Variants in CELSR1 observed in about 807,000 individuals in gnomAD.
The protein encoded by CELSR1 is adhesion G protein-coupled receptor C1.
Under a neutral mutation model 249.1 loss-of-function variants are expected in CELSR1, and 110 were observed. The ratio of observed to expected loss-of-function variants is 0.44; its 90% CI spans 0.38 to 0.52. The LOEUF (loss-of-function observed/expected upper bound fraction) is 0.52. CELSR1 is among the 20% of genes least tolerant of loss of function. The pLI is 0.00. For missense variants in CELSR1, 4,109 were observed against 4,296.4 expected (o/e 0.96, Z 1.22); for synonymous variants, 2,113 against 1,900.0 (o/e 1.11, Z -2.92).
At chr22:46,525,127 A>G (rs1484146377) in intron 1 of CELSR1, among the ~76,000 whole-genome samples, 1 of 152,234 alleles carries the variant, frequency 6.6e-6, no homozygotes, top group Non-Finnish European at 1.5e-5. Flanking sequence ...AAAACAAGCA[A>G]GAGGAAGGCT....
chr22:46,485,956 G>C (rs1388897612), intron 1 of CELSR1, among the ~76,000 whole-genome samples: 1 of 60,602 alleles, frequency 1.7e-5, no homozygotes, highest in African/African-American at 9.2e-5. Context: ...TTTTTTTTTT[G>C]AGACTGAGTC....
chr22:46,536,315 C>G lies in CELSR1; in HGVS notation c.856G>C (p.Gly286Arg). ...CCCCGGGAGCGCTCGTCGAACAGCC[C>G]CTCCATGTAATAGCTCACGCGCTCC... ...EEERVSYYME[G>R]LFDERSRGYF... is the part of the protein sequence containing the mutation. The change falls in exon 1 of 35, where the codon GGG becomes CGG. Residue 286 changes from glycine (G) to arginine (R), a missense_variant. Physicochemically the swap from Gly to Arg is moderately radical, Grantham distance 125 (BLOSUM62 -2). This residue lies in a region of CELSR1 where 673 missense variants were observed against 636.8 expected (regional missense o/e 1.06). Coordinates refer to ENST00000674500, the MANE Select transcript of CELSR1 (RefSeq NM_001378328.1). 6.2e-7 allele frequency: 1 copy of G among 1,612,810 alleles called. No homozygotes were observed. The highest frequency in any genetic ancestry group is 1.3e-5 in the African/African-American group (1 of 75,072).
At chr22:46,385,345 TCTCAGCC>T (rs1300396216) in intron 19 of CELSR1, among the ~76,000 whole-genome samples, 1 of 151,984 alleles carries the variant, frequency 6.6e-6, no homozygotes, top group Non-Finnish European at 1.5e-5. Flanking sequence ...AATCTGCCCA[TCTCAGCC>T]TCCCAGTGCT....
At position 46,377,243 on chromosome 22, in the gene CELSR1, G is replaced by A. The variant is rs750452174; in HGVS notation, c.7402C>T (p.Leu2468=). ...SRRENGEVLP[L]KIVTYAAVSL... ...ACAGCGGCATAGGTGACAATCTTCAGAGGCAGGACCTCCCCGTTCTATGGG... is the reference window on the plus strand; with the variant it reads ...ACAGCGGCATAGGTGACAATCTTCAAAGGCAGGACCTCCCCGTTCTATGGG... Residue 2468 remains leucine, a synonymous_variant, in exon 24 of 35, where the codon CTG becomes TTG. Transcript: ENST00000674500. 2 of 1,614,014 alleles carry A rather than the reference G, an allele frequency of 1.2e-6. No homozygotes were observed. The highest frequency in any genetic ancestry group is 1.7e-6 in the Non-Finnish European group (2 of 1,180,028).
At chr22:46,530,131 G>T (rs1055551790) in intron 1 of CELSR1, among the ~76,000 whole-genome samples, 1 of 151,662 alleles carries the variant, frequency 6.6e-6, no homozygotes, top group East Asian at 1.9e-4. Flanking sequence ...ATAACATAGT[G>T]AGACCTTGTC....
In CELSR1 at chr22:46,534,834, G is replaced by A. The variant is rs751562147; in HGVS notation, c.2337C>T (p.Val779=). 6.2e-7 allele frequency: 1 copy of A among 1,612,944 alleles called. No individual in the cohort carries two copies. Among genetic ancestry groups the A allele is most frequent in the African/African-American group, 1.3e-5 (1 of 74,936 alleles). The change falls in exon 1 of 35, where the codon GTC becomes GTT. Residue 779 remains valine, a synonymous_variant. Coordinates refer to ENST00000674500, the MANE Select transcript of CELSR1 (RefSeq NM_001378328.1). The surrounding 1 kb of genome is among the most constrained non-coding windows in gnomAD (Gnocchi z 9.7). ...RSHTAHVLIN[V]TDANTHRPVF... is the part of the protein sequence containing the mutation. ...CAGGCCTGTGGGTGTTGGCATCAGT[G>A]ACGTTGATTAGGACATGCGCAGTGT...
At chr22:46,366,815 G>A (rs569612309) in intron 29 of CELSR1, among the ~76,000 whole-genome samples, 178 bp downstream of exon 29, 6 of 152,140 alleles carry the variant, frequency 3.9e-5, no homozygotes, top group African/African-American at 1.2e-4. Flanking sequence ...CCATCTGGCC[G>A]ATTCTGTCAC....
At position 46,527,412 on chromosome 22, in the gene CELSR1, C is replaced by T. The variant is rs2080749000; in HGVS notation, c.3544+6215G>A. On this transcript the variant is annotated intron_variant, in intron 1 of 34. Coordinates refer to ENST00000674500, the MANE Select transcript of CELSR1 (RefSeq NM_001378328.1). This position sits in a 1 kb window ranked among gnomAD's most constrained non-coding sequence, Gnocchi z 5.5. ...CTCCACAGTCAGCCCTCTCTCGACC[C>T]GGGGGATCCATCTGACTCCCGGTCT... 6.6e-6 allele frequency among the ~76,000 whole-genome samples: 1 copy of T among 152,178 alleles called. No individual in the cohort carries two copies.
At chr22:46,504,099 A>G (rs907581557) in intron 1 of CELSR1, among the ~76,000 whole-genome samples, 6 of 152,256 alleles carry the variant, frequency 3.9e-5, no homozygotes, top group Non-Finnish European at 8.8e-5. Flanking sequence ...GAGTTAAAAT[A>G]AAATTCAAAA....
rs147876893 is a variant in CELSR1 at position 46,377,109 on chromosome 22, G to C, written c.7536C>G (p.Phe2512Leu). The change falls in exon 24 of 35, where the codon TTC becomes TTG. Residue 2512 changes from phenylalanine (F) to leucine (L), a missense_variant. By Grantham distance (22) the Phe-to-Leu change is conservative. Transcript: ENST00000674500. ...SIHKHLAVALFLSQLVFVIGI... is the reference protein window; with the variant it reads ...SIHKHLAVALLLSQLVFVIGI... ...CAATCACGAACACCAGCTGAGAGAG[G>C]AAGAGCGCCACGGCGAGGTGCTTGT... 3 of 1,613,534 alleles carry C rather than the reference G, an allele frequency of 1.9e-6. No individual in the cohort carries two copies. In the African/African-American group the frequency reaches 4.0e-5, roughly 22 times the overall value.
chr22:46,381,694 C>A lies in CELSR1; in HGVS notation c.7088+152G>T. 3 of 731,072 alleles carry A rather than the reference C, an allele frequency of 4.1e-6. No individual in the cohort carries two copies. In the South Asian group the frequency reaches 5.5e-5, roughly 13 times the overall value. 45.3% of individuals were successfully genotyped at this position (731,072 alleles called of 1,614,324 possible). On this transcript the variant is annotated intron_variant, in intron 21 of 34. Transcript: ENST00000674500. This position sits in a 1 kb window ranked among gnomAD's most constrained non-coding sequence, Gnocchi z 6.0. ...ACCCAGAATCTCCCTCCAAGGACCA[C>A]CACAAGGCAATGGTCTCTGTCTCTG...
At chr22:46,450,503 C>T (rs1230653082) in intron 2 of CELSR1, among the ~76,000 whole-genome samples, 2 of 152,262 alleles carry the variant, frequency 1.3e-5, no homozygotes, top group African/African-American at 4.8e-5. Flanking sequence ...AGGCAGGCCG[C>T]AGCACCTGGC....
chr22:46,372,054 T>C (rs958362523), intron 25 of CELSR1, among the ~76,000 whole-genome samples: 2 of 146,078 alleles, frequency 1.4e-5, no homozygotes, highest in African/African-American at 5.1e-5. Context: ...CCTATATCCA[T>C]CTACCCACCC....
At chr22:46,443,837 A>G (rs1027274504) in intron 2 of CELSR1, among the ~76,000 whole-genome samples, 4 of 152,240 alleles carry the variant, frequency 2.6e-5, no homozygotes, top group South Asian at 2.1e-4. Flanking sequence ...CGCTTAAGGT[A>G]TATTTCTCCT....
rs2080741265 is a variant in CELSR1 at position 46,526,635 on chromosome 22, C to A, written c.3544+6992G>T. On this transcript the variant is annotated intron_variant, in intron 1 of 34. Transcript: ENST00000674500. This position sits in a 1 kb window ranked among gnomAD's most constrained non-coding sequence, Gnocchi z 4.7. ...CGGATGACCCCCTCGGAGACACTCG[C>A]CCTCCCTCAGCCTCCAGGGCCTGCA... Among the ~76,000 whole-genome samples the A allele has an allele frequency of 6.6e-6, 1 of 152,218 alleles. No individual in the cohort carries two copies. The highest frequency in any genetic ancestry group is 1.5e-5 in the Non-Finnish European group (1 of 68,044).
Position 46,412,261 on chromosome 22 carries a change from G to A in CELSR1, c.4612-502C>T, listed in dbSNP as rs897000795. Reference sequence around the variant, plus strand: ...CCCGCGCCTTGACTTCTAGGCACCAGACTGAGAGAGAATCATGTCTGTTGT... The same window carrying A: ...CCCGCGCCTTGACTTCTAGGCACCAAACTGAGAGAGAATCATGTCTGTTGT... On this transcript the variant is annotated intron_variant, in intron 5 of 34. Coordinates refer to ENST00000674500, the MANE Select transcript of CELSR1 (RefSeq NM_001378328.1). This position sits in a 1 kb window ranked among gnomAD's most constrained non-coding sequence, Gnocchi z 4.5. Among the ~76,000 whole-genome samples, 4 of 152,204 alleles carry A rather than the reference G, an allele frequency of 2.6e-5. No homozygotes were observed. Among genetic ancestry groups the A allele is most frequent in the Non-Finnish European group, 5.9e-5 (4 of 68,028 alleles).
intron 2 of CELSR1, among the ~76,000 whole-genome samples, chr22:46,439,903 G>C (rs990422173): frequency 5.3e-5 from 8 of 152,062 alleles, no homozygotes; most frequent in Non-Finnish European, 7.4e-5. Flanking sequence ...TTCTGAGCAG[G>C]CCACCTGCCC....
At chr22:46,508,589 G>A (rs996510878) in intron 1 of CELSR1, among the ~76,000 whole-genome samples, 7 of 151,664 alleles carry the variant, frequency 4.6e-5, no homozygotes, top group South Asian at 2.1e-4. Context: ...CCCCTTCACC[G>A]TGGCCTCCCA....
chr22:46,514,395 C>T (rs1251739676), intron 1 of CELSR1, among the ~76,000 whole-genome samples: 2 of 152,164 alleles, frequency 1.3e-5, no homozygotes, highest in Non-Finnish European at 2.9e-5. Flanking sequence ...TTTCACCAGG[C>T]CCCGACGGTC....
Sources: allele counts gnomAD v4.1 joint callset (sites outside exome capture counted in the v4.1 genomes callset), GRCh38; gene constraint gnomAD v4.1.1; regional missense constraint gnomAD v4.1.1; non-coding constraint Gnocchi (gnomAD v3.1); transcripts MANE v1.5; gene names NCBI Gene and HGNC (gene_info 2026-07-23, HGNC 2026-07-21).